LOC131768270: variants seen among roughly 807,000 people sequenced by gnomAD.
chr5:140,565,099 G>T, the LOC131768270 span: 1 of 394,892 alleles, frequency 2.5e-6, no homozygotes, highest in Non-Finnish European at 4.5e-6. Flanking sequence ...CCCGTTACTA[G>T]CACAGACTCA....
At chr5:140,568,219 C>T in the LOC131768270 span, 3 of 1,606,864 alleles carry the variant, frequency 1.9e-6, no homozygotes, top group South Asian at 1.1e-5. Context: ...CCAGGCCTTC[C>T]TCCCTCTCCC....
chr5:140,567,934 CGTG>C, the LOC131768270 span: 2 of 1,614,198 alleles, frequency 1.2e-6, no homozygotes, highest in Non-Finnish European at 1.7e-6. Context: ...GGGCAGCACT[CGTG>C]GTGCTGAGCC....
chr5:140,568,027 G>A, the LOC131768270 span: 5,319 of 1,613,974 alleles, frequency 3.3e-3, 177 homozygotes, highest in African/African-American at 0.062. Context: ...TGTCCTGCTC[G>A]CTGGTGGTCA....
chr5:140,565,263 C>G, the LOC131768270 span: 3 of 195,880 alleles, frequency 1.5e-5, no homozygotes, highest in Non-Finnish European at 3.1e-5. Context: ...TACTTATATG[C>G]GATCAAAATC....
chr5:140,567,487 T>A, the LOC131768270 span: 2 of 1,614,182 alleles, frequency 1.2e-6, no homozygotes, highest in Non-Finnish European at 8.5e-7. Context: ...TGATCTATCT[T>A]CAGCGTTACA....
At chr5:140,567,862 G>C in the LOC131768270 span, 1 of 1,614,196 alleles carries the variant, frequency 6.2e-7, no homozygotes, top group Non-Finnish European at 8.5e-7. Flanking sequence ...GTGTGCTTCT[G>C]AATCTAGGTC....
the LOC131768270 span, chr5:140,564,936 A>C: frequency 2.5e-6 from 1 of 399,936 alleles, no homozygotes; most frequent in Non-Finnish European, 4.4e-6. This position sits in a 1 kb window ranked among gnomAD's most constrained non-coding sequence, Gnocchi z 5.0. Context: ...GGGAGAAGCG[A>C]CTCTGGAGCG....
chr5:140,568,023 G>C, the LOC131768270 span: 6 of 1,614,036 alleles, frequency 3.7e-6, no homozygotes, highest in Non-Finnish European at 4.2e-6. Context: ...GTGGTGTCCT[G>C]CTCGCTGGTG....
chr5:140,567,689 G>A, the LOC131768270 span: 1 of 1,614,052 alleles, frequency 6.2e-7, no homozygotes. Context: ...TCCCCCTCCA[G>A]CAGCTGCTGC....
chr5:140,568,039 C>A, the LOC131768270 span: 2 of 1,613,862 alleles, frequency 1.2e-6, no homozygotes, highest in African/African-American at 1.3e-5. Flanking sequence ...TGGTGGTCAA[C>A]GCCGTGCTCT....
the LOC131768270 span, chr5:140,567,024 G>T: frequency 7.9e-7 from 1 of 1,263,864 alleles, no homozygotes; most frequent in Non-Finnish European, 1.1e-6. Flanking sequence ...CCTGACTGTG[G>T]AGTTGGTAGA....
At chr5:140,567,497 A>C in the LOC131768270 span, 2 of 1,614,146 alleles carry the variant, frequency 1.2e-6, no homozygotes, top group Non-Finnish European at 1.7e-6. Context: ...TCAGCGTTAC[A>C]TGGACCCCAG....
the LOC131768270 span, chr5:140,565,027 A>C: frequency 1.3e-5 from 5 of 398,248 alleles, no homozygotes; most frequent in South Asian, 6.7e-4. Flanking sequence ...TGGGGAGAGC[A>C]TTCGGCGAGG....
At chr5:140,567,767 G>C in the LOC131768270 span, 3 of 1,613,986 alleles carry the variant, frequency 1.9e-6, no homozygotes, top group Non-Finnish European at 2.5e-6. Flanking sequence ...CCTCATCTCA[G>C]GCTTGTCGTC....
chr5:140,564,997 C>T, the LOC131768270 span: 1 of 399,220 alleles, frequency 2.5e-6, no homozygotes, highest in East Asian at 3.6e-5. The surrounding 1 kb of genome is among the most constrained non-coding windows in gnomAD (Gnocchi z 5.0). Flanking sequence ...TGTCAACTGC[C>T]TCAACAGTGT....
chr5:140,567,507 G>A, the LOC131768270 span: 13 of 1,614,076 alleles, frequency 8.1e-6, no homozygotes, highest in Middle Eastern at 1.6e-4. Context: ...ATGGACCCCA[G>A]CACCTACCAG....
At chr5:140,566,434 T>C in the LOC131768270 span, 1 of 398,364 alleles carries the variant, frequency 2.5e-6, no homozygotes, top group African/African-American at 2.1e-5. Context: ...TTGGGAAAAA[T>C]CTGGAGAAAA....
chr5:140,567,109 A>ATTT, the LOC131768270 span: 1 of 1,612,764 alleles, frequency 6.2e-7, no homozygotes, highest in Non-Finnish European at 8.5e-7. Context: ...CCATAACTTG[A>ATTT]TTTTCCCCAA....
chr5:140,567,853 T>C, the LOC131768270 span: 1 of 1,614,166 alleles, frequency 6.2e-7, no homozygotes, highest in Non-Finnish European at 8.5e-7. Flanking sequence ...ACACTTTTGG[T>C]GTGCTTCTGA....
Sources: gnomAD v4.1 joint callset for allele counts on GRCh38, gnomAD v4.1.1 for gene constraint, Gnocchi (gnomAD v3.1) non-coding constraint, MANE v1.5 for transcripts.